Variants in MACROD2 observed in about 807,000 individuals in gnomAD.
MACROD2 encodes mono-ADP ribosylhydrolase 2, also known as ADP-ribose glycohydrolase MACROD2.
In MACROD2, 36 loss-of-function variants were observed where a neutral mutation model predicts 70.4. The observed-to-expected ratio is 0.51, with a 90% CI of 0.39 to 0.68. The LOEUF is 0.68. Among genes scored for constraint, MACROD2 ranks in the 30% least tolerant of loss-of-function variants. MACROD2 has a pLI of 0.00. For missense variants in MACROD2, 496 were observed against 538.4 expected, an observed-to-expected ratio of 0.92 and a Z score of 0.78; for synonymous variants, 172 against 178.8, an observed-to-expected ratio of 0.96 and a Z score of 0.30.
At chr20:14,736,759 A>T (rs748004863) in intron 5 of MACROD2, among the ~76,000 whole-genome samples, 7 of 152,174 alleles carry the variant, frequency 4.6e-5, no homozygotes, top group Non-Finnish European at 1.0e-4. Context: ...TATGACTTAT[A>T]TAACATCACA....
chr20:15,962,236 GAAGAGTGGGAACATTTACAAAGA>G (rs2066073286), intron 12 of MACROD2, among the ~76,000 whole-genome samples: 5 of 152,194 alleles, frequency 3.3e-5, no homozygotes, highest in African/African-American at 9.6e-5. Context: ...GATGATGAAG[GAAGAGTGGGAACATTTACAAAGA>G]AGTGTTGCTG....
At chr20:15,374,913 G>T (rs1461764075) in intron 6 of MACROD2, among the ~76,000 whole-genome samples, 2 of 152,158 alleles carry the variant, frequency 1.3e-5, no homozygotes, top group Admixed American at 6.5e-5. Context: ...AAACTAGTGC[G>T]CAGTAAAGAC....
At chr20:15,780,678 A>C (rs1313528948) in intron 8 of MACROD2, among the ~76,000 whole-genome samples, 1 of 152,092 alleles carries the variant, frequency 6.6e-6, no homozygotes, top group Non-Finnish European at 1.5e-5. Context: ...CAAGGGGCAA[A>C]ATGGAAGTTC....
intron 15 of MACROD2, among the ~76,000 whole-genome samples, chr20:16,031,664 C>T (rs115322843): frequency 1.4e-3 from 216 of 151,976 alleles, no homozygotes; most frequent in African/African-American, 4.9e-3. Context: ...GCATGCTCAT[C>T]GATATATAGT....
intron 8 of MACROD2, among the ~76,000 whole-genome samples, chr20:15,843,805 C>T (rs1028102614): frequency 7.2e-5 from 11 of 152,102 alleles, no homozygotes; most frequent in Admixed American, 1.3e-4. Flanking sequence ...AAATGAGAAA[C>T]GTGTAATTAA....
intron 8 of MACROD2, among the ~76,000 whole-genome samples, chr20:15,581,841 G>C (rs2048528811): frequency 6.6e-6 from 1 of 152,164 alleles, no homozygotes; most frequent in South Asian, 2.1e-4. Flanking sequence ...TAAACCACTG[G>C]CTGGGCACAG....
intron 4 of MACROD2, among the ~76,000 whole-genome samples, chr20:14,572,556 TCTAA>T (rs1307082009): frequency 6.6e-6 from 1 of 152,128 alleles, no homozygotes; most frequent in African/African-American, 2.4e-5. Context: ...ATGAATAGTC[TCTAA>T]CTACACTTAA....
chr20:14,376,947 T>C (rs1325691464), intron 3 of MACROD2, among the ~76,000 whole-genome samples: 4 of 152,012 alleles, frequency 2.6e-5, no homozygotes, highest in African/African-American at 9.7e-5. Context: ...ATTTGAAAGA[T>C]TTCTTGTGAG....
At chr20:16,017,127 T>C (rs984449043) in intron 15 of MACROD2, among the ~76,000 whole-genome samples, 1 of 152,212 alleles carries the variant, frequency 6.6e-6, no homozygotes, top group African/African-American at 2.4e-5. Flanking sequence ...ACCACTGCCC[T>C]CTTTCCTCCA....
At chr20:14,271,075 A>G (rs2122353153) in intron 3 of MACROD2, among the ~76,000 whole-genome samples, 1 of 152,346 alleles carries the variant, frequency 6.6e-6, no homozygotes, top group Non-Finnish European at 1.5e-5. Context: ...GCACAGACAA[A>G]CAAAAAGACA....
chr20:15,948,382 C>CAAAAAAAAAAAAAAA (rs71192307), intron 12 of MACROD2, among the ~76,000 whole-genome samples: 36 of 43,158 alleles, frequency 8.3e-4, no homozygotes, highest in South Asian at 2.1e-3. Context: ...CTTGCAACTG[C>CAAAAAAAAAAAAAAA]AAAAAAAAAA....
At chr20:15,727,715 G>T (rs576042728) in intron 8 of MACROD2, among the ~76,000 whole-genome samples, 26 of 152,084 alleles carry the variant, frequency 1.7e-4, no homozygotes, top group Non-Finnish European at 3.7e-4. Flanking sequence ...GAATGGGATT[G>T]CATTTTTTAT....
intron 5 of MACROD2, among the ~76,000 whole-genome samples, chr20:14,887,132 A>G (rs559073748): frequency 3.9e-5 from 6 of 152,202 alleles, no homozygotes; most frequent in African/African-American, 7.2e-5. Flanking sequence ...ACCTGGCTGT[A>G]TGTGTGCATA....
intron 3 of MACROD2, among the ~76,000 whole-genome samples, chr20:14,190,842 G>T (rs1201130573): frequency 6.7e-6 from 1 of 149,336 alleles, no homozygotes; most frequent in East Asian, 2.0e-4. Context: ...TGAGTAGCTG[G>T]GACTATAGGC....
intron 8 of MACROD2, among the ~76,000 whole-genome samples, chr20:15,852,918 G>A (rs2064316101): frequency 6.6e-6 from 1 of 152,128 alleles, no homozygotes; most frequent in Non-Finnish European, 1.5e-5. Flanking sequence ...GGTTGAGGAG[G>A]GAGGACTCCT....
intron 5 of MACROD2, among the ~76,000 whole-genome samples, chr20:15,062,346 TC>T (rs2075539713): frequency 6.6e-6 from 1 of 152,138 alleles, no homozygotes; most frequent in Admixed American, 6.5e-5. Context: ...TATAAGTAGA[TC>T]CCATGCACTG....
In MACROD2 at chr20:15,227,846, T is replaced by TTTTC. The variant is rs1421084586; in HGVS notation, c.419-2093_419-2090dup. On this transcript the variant is annotated intron_variant, in intron 5 of 17. Transcript: ENST00000684519. ...CTGTTTTTTTTTTTTTTTTTTTTTTTTTTCAAATTTAATTGACCTTTAAAC... is the reference window on the plus strand; with the variant it reads ...CTGTTTTTTTTTTTTTTTTTTTTTTTTTTCTTTCAAATTTAATTGACCTTTAAAC... 6.0e-4 allele frequency among the ~76,000 whole-genome samples: 86 copies of TTTTC among 143,426 alleles called. 1 individual carries two copies. The highest frequency in any genetic ancestry group is 2.1e-3 in the African/African-American group (83 of 39,714). 94.1% of individuals were successfully genotyped at this position (143,426 alleles called of 152,430 possible). A position where few individuals can be genotyped will look rare whatever the true frequency, so the allele number is the denominator to read the frequency against.
chr20:14,169,270 C>T (rs745772660), intron 3 of MACROD2, among the ~76,000 whole-genome samples: 1 of 151,900 alleles, frequency 6.6e-6, no homozygotes, highest in Non-Finnish European at 1.5e-5. Flanking sequence ...AATAATTAAA[C>T]TTTTTCTCCA....
intron 4 of MACROD2, among the ~76,000 whole-genome samples, chr20:14,672,634 T>A (rs2070808523): frequency 6.6e-6 from 1 of 152,216 alleles, no homozygotes; most frequent in Non-Finnish European, 1.5e-5. Context: ...GTACATGTTA[T>A]CTCATTCAAT....
Sources: allele counts gnomAD v4.1 joint callset (sites outside exome capture counted in the v4.1 genomes callset), GRCh38; gene constraint gnomAD v4.1.1; transcripts MANE v1.5; gene names NCBI Gene and HGNC (gene_info 2026-07-23, HGNC 2026-07-21).